IGF1R: variants seen among roughly 807,000 people sequenced by gnomAD.
The protein encoded by IGF1R is insulin-like growth factor 1 receptor.
IGF1R carries 44 observed loss-of-function variants against 144.6 expected under a neutral mutation model. The ratio of observed to expected loss-of-function variants is 0.30; its 90% CI spans 0.24 to 0.39. IGF1R has a LOEUF of 0.39. Ranked by LOEUF, IGF1R falls within the 10% of genes least tolerant of loss-of-function variation. IGF1R has a pLI of 1.00. For missense variants in IGF1R, 1,355 were observed against 1,833.7 expected (o/e 0.74, Z 4.77); for synonymous variants, 795 against 722.8 (o/e 1.10, Z -1.60).
Position 98,891,139 on chromosome 15 carries a change from G to A in IGF1R, c.641-186G>A, listed in dbSNP as rs1318437592. Among the ~76,000 whole-genome samples the A allele has an allele frequency of 6.6e-6, 1 of 152,222 alleles. No homozygotes were observed. Among genetic ancestry groups the A allele is most frequent in the Non-Finnish European group, 1.5e-5 (1 of 68,034 alleles). On this transcript the variant is annotated intron_variant, in intron 2 of 20. Coordinates refer to ENST00000650285, the MANE Select transcript of IGF1R (RefSeq NM_000875.5). The surrounding 1 kb of genome is among the most constrained non-coding windows in gnomAD (Gnocchi z 4.7). Reference sequence around the variant, plus strand: ...ACTTTAAAGATATCGACTCTCTGCAGGTCTAAGTGGATGAAAGGACAGTGG... The same window carrying A: ...ACTTTAAAGATATCGACTCTCTGCAAGTCTAAGTGGATGAAAGGACAGTGG...
intron 15 of IGF1R, among the ~76,000 whole-genome samples, chr15:98,930,895 T>A (rs1183881689): frequency 6.6e-6 from 1 of 152,182 alleles, no homozygotes; most frequent in East Asian, 1.9e-4. Context: ...CAATGGTTAT[T>A]TCCTTTTTTG....
chr15:98,831,876 C>G (rs1004649540), intron 2 of IGF1R, among the ~76,000 whole-genome samples: 1 of 151,966 alleles, frequency 6.6e-6, no homozygotes, highest in African/African-American at 2.4e-5. Flanking sequence ...TGGTGGATGG[C>G]AGGGTGCAAT....
At chr15:98,853,236 T>A (rs1267650701) in intron 2 of IGF1R, among the ~76,000 whole-genome samples, 2 of 152,230 alleles carry the variant, frequency 1.3e-5, no homozygotes, top group African/African-American at 4.8e-5. Context: ...AGTATTGTGT[T>A]GAACCAAATG....
intron 1 of IGF1R, among the ~76,000 whole-genome samples, chr15:98,663,012 G>A (rs925227386): frequency 2.0e-5 from 3 of 152,164 alleles, no homozygotes; most frequent in African/African-American, 7.2e-5. Context: ...TCAGGATTGG[G>A]GGACAGATAG....
chr15:98,827,018 A>T (rs2056906456), intron 2 of IGF1R, among the ~76,000 whole-genome samples: 1 of 152,304 alleles, frequency 6.6e-6, no homozygotes, highest in South Asian at 2.1e-4. Flanking sequence ...ACAAGGAGAT[A>T]GTTTATTTTA....
rs974648505 is a variant in IGF1R, at chr15:98,961,408, AAG to A, written c.*3970_*3971del. ...AAATGCTTCAGAAACACCTCAATAA[AAG>A]AGAAAACTTGGCTTGTGTGATGGTG... On this transcript the variant is annotated 3_prime_UTR_variant, in exon 21 of 21. Coordinates refer to ENST00000650285, the MANE Select transcript of IGF1R (RefSeq NM_000875.5). 1.8e-4 allele frequency: 43 copies of A among 233,488 alleles called. No individual in the cohort carries two copies. The highest frequency in any genetic ancestry group is 9.2e-4 in the African/African-American group (42 of 45,452). 14.5% of individuals were successfully genotyped at this position (233,488 alleles called of 1,614,324 possible).
intron 2 of IGF1R, among the ~76,000 whole-genome samples, chr15:98,873,504 C>A (rs1437507362): frequency 6.6e-6 from 1 of 152,212 alleles, no homozygotes; most frequent in African/African-American, 2.4e-5. Context: ...CTGCAGAGGG[C>A]AGTCATGTGT....
At chr15:98,904,049 ATTTTT>A (rs35759630) in intron 5 of IGF1R, among the ~76,000 whole-genome samples, 3 of 103,782 alleles carry the variant, frequency 2.9e-5, no homozygotes, top group Admixed American at 9.8e-5. Flanking sequence ...TGATGGGTGA[ATTTTT>A]TTTTTTTTTT....
chr15:98,960,905 G>GCCC lies in IGF1R; in HGVS notation c.*3469_*3471dup, dbSNP rs3833014. The GCCC allele has an allele frequency of 1.6e-4, 38 of 232,448 alleles. No homozygotes were observed. The highest frequency in any genetic ancestry group is 7.3e-4 in the African/African-American group (33 of 45,306). 14.4% of individuals were successfully genotyped at this position (232,448 alleles called of 1,614,324 possible). On this transcript the variant is annotated 3_prime_UTR_variant, in exon 21 of 21. Coordinates refer to ENST00000650285, the MANE Select transcript of IGF1R (RefSeq NM_000875.5). ...CCGGCGCCGAGGCTCGTGGCGTCACGCCCCCCCCGCCAGGGCTGTACCTCC... is the reference window on the plus strand; with the variant it reads ...CCGGCGCCGAGGCTCGTGGCGTCACGCCCCCCCCCCCGCCAGGGCTGTACCTCC...
intron 18 of IGF1R, 113 bp from the exon 19 acceptor site, chr15:98,942,809 CG>C (rs2151718764): frequency 7.3e-7 from 1 of 1,368,482 alleles, no homozygotes; most frequent in South Asian, 1.2e-5. Context: ...TAAAGTGGGA[CG>C]TGTCTGTGTC....
chr15:98,937,773 C>G (rs1346475306), intron 17 of IGF1R, among the ~76,000 whole-genome samples: 1 of 152,168 alleles, frequency 6.6e-6, no homozygotes, highest in African/African-American at 2.4e-5. Context: ...CTGTTGCTCA[C>G]GGCAATTATA....
chr15:98,926,645 A>C (rs192119228), intron 13 of IGF1R, among the ~76,000 whole-genome samples: 2 of 152,338 alleles, frequency 1.3e-5, no homozygotes, highest in Admixed American at 1.3e-4. Flanking sequence ...CAGATATTCT[A>C]ATCTGTTTGT....
In IGF1R at chr15:98,862,601, T is replaced by A. The variant is rs1281359259; in HGVS notation, c.641-28724T>A. Among the ~76,000 whole-genome samples, 12 of 152,216 alleles carry A rather than the reference T, an allele frequency of 7.9e-5. 2 individuals carry two copies. In the South Asian group the frequency reaches 2.5e-3, roughly 31 times the overall value. Reference sequence around the variant, plus strand: ...TATTAAGCTATCAGTGACTTTATCTTGAGGTGCACGGCTTTTAGTAACTCT... The same window carrying A: ...TATTAAGCTATCAGTGACTTTATCTAGAGGTGCACGGCTTTTAGTAACTCT... On this transcript the variant is annotated intron_variant, in intron 2 of 20. Transcript: ENST00000650285.
chr15:98,781,469 C>T (rs994399239), intron 2 of IGF1R, among the ~76,000 whole-genome samples: 5 of 152,178 alleles, frequency 3.3e-5, no homozygotes, highest in Admixed American at 2.6e-4. Context: ...TCCATTAGAG[C>T]TACCCATAGC....
chr15:98,912,084 TC>T (rs1276185372), intron 7 of IGF1R, among the ~76,000 whole-genome samples: 1 of 152,190 alleles, frequency 6.6e-6, no homozygotes, highest in Non-Finnish European at 1.5e-5. Context: ...ACTGCAGCCC[TC>T]TTTGATCTCC....
intron 2 of IGF1R, among the ~76,000 whole-genome samples, chr15:98,841,969 C>T (rs574611585): frequency 3.9e-4 from 60 of 152,342 alleles, no homozygotes; most frequent in Admixed American, 1.1e-3. Context: ...TGACTGCTGG[C>T]ATCATCTTTC....
At chr15:98,664,279 G>A (rs916414571) in intron 1 of IGF1R, among the ~76,000 whole-genome samples, 1 of 152,098 alleles carries the variant, frequency 6.6e-6, no homozygotes, top group East Asian at 1.9e-4. Context: ...TGAGATGAGG[G>A]TTGGAGAATT....
intron 2 of IGF1R, among the ~76,000 whole-genome samples, chr15:98,850,578 G>A (rs2011492394): frequency 6.6e-6 from 1 of 152,248 alleles, no homozygotes; most frequent in African/African-American, 2.4e-5. Flanking sequence ...GGAGTCAGGT[G>A]GAACTTGTGG....
chr15:98,918,052 AAC>A (rs1445953172), intron 10 of IGF1R, among the ~76,000 whole-genome samples: 1 of 152,100 alleles, frequency 6.6e-6, no homozygotes, highest in Non-Finnish European at 1.5e-5. Context: ...AAAAATGTTA[AAC>A]AATTTTTTTT....
Sources: gnomAD v4.1 joint callset for allele counts (sites outside exome capture counted in the v4.1 genomes callset) on GRCh38, gnomAD v4.1.1 for gene constraint, Gnocchi (gnomAD v3.1) non-coding constraint, MANE v1.5 for transcripts, NCBI Gene and HGNC (gene_info 2026-07-23, HGNC 2026-07-21) for gene names.